ILRUN: variants seen among roughly 807,000 people sequenced by gnomAD.
ILRUN encodes the protein protein ILRUN.
In ILRUN, 3 loss-of-function variants were observed where a neutral mutation model predicts 33.8. The observed-to-expected ratio is 0.09, with a 90% CI of 0.04 to 0.23. The LOEUF (loss-of-function observed/expected upper bound fraction) is 0.23, where lower values mean the gene tolerates loss of function less well. Ranked by LOEUF, ILRUN falls within the 10% of genes least tolerant of loss-of-function variation. The pLI, the probability that ILRUN is intolerant of heterozygous loss-of-function variation, is 1.00. For synonymous variants in ILRUN, 124 were observed against 138.9 expected (o/e 0.89, Z 0.75); for missense variants, 210 against 375.1 (o/e 0.56, Z 3.64).
chr6:34,614,431 T>TG (rs1562002870), intron 3 of ILRUN, among the ~76,000 whole-genome samples: 16 of 113,940 alleles, frequency 1.4e-4, no homozygotes, highest in African/African-American at 5.4e-4. Flanking sequence ...CAAAAAATAA[T>TG]AAAAAAAAAA....
intron 1 of ILRUN, among the ~76,000 whole-genome samples, chr6:34,670,510 T>C (rs1186353749): frequency 1.3e-5 from 2 of 152,130 alleles, no homozygotes; most frequent in Non-Finnish European, 2.9e-5. Context: ...ACAATCACCA[T>C]GTTAGTATCT....
chr6:34,695,144 C>T (rs1429541336), intron 1 of ILRUN, among the ~76,000 whole-genome samples: 1 of 151,656 alleles, frequency 6.6e-6, no homozygotes, highest in East Asian at 1.9e-4. Flanking sequence ...CAGGGTAGAA[C>T]TAGGTAGGAG....
intron 3 of ILRUN, among the ~76,000 whole-genome samples, chr6:34,615,081 G>A (rs1761854705): frequency 6.6e-6 from 1 of 152,102 alleles, no homozygotes; most frequent in Non-Finnish European, 1.5e-5. Flanking sequence ...AAAAAAATTG[G>A]TGAAATCCAA....
intron 4 of ILRUN, among the ~76,000 whole-genome samples, chr6:34,599,000 A>G (rs1761456143): frequency 6.6e-6 from 1 of 152,208 alleles, no homozygotes; most frequent in East Asian, 1.9e-4. Context: ...TACCGGCCAC[A>G]CATTCTTTTG....
chr6:34,637,864 C>CTGCTGCTGTTGTTGTTGTTGTTGTTGT (rs749114775), intron 3 of ILRUN, among the ~76,000 whole-genome samples: 1 of 141,930 alleles, frequency 7.0e-6, no homozygotes, highest in Admixed American at 7.2e-5. Flanking sequence ...GCTGCTGCTG[C>CTGCTGCTGTTGTTGTTGTTGTTGTTGT]TGTTGTTGTT....
intron 3 of ILRUN, among the ~76,000 whole-genome samples, chr6:34,614,249 C>T (rs1389136006): frequency 6.6e-6 from 1 of 151,388 alleles, no homozygotes; most frequent in Non-Finnish European, 1.5e-5. Flanking sequence ...GGTGAAATCC[C>T]GTCACTACTA....
At chr6:34,600,853 C>T (rs1761492797) in intron 4 of ILRUN, among the ~76,000 whole-genome samples, 1 of 152,172 alleles carries the variant, frequency 6.6e-6, no homozygotes, top group Non-Finnish European at 1.5e-5. Context: ...AAAATGTGTA[C>T]TTGAACACTG....
intron 1 of ILRUN, among the ~76,000 whole-genome samples, chr6:34,666,637 A>G (rs890904307): frequency 1.3e-5 from 2 of 152,222 alleles, no homozygotes; most frequent in African/African-American, 2.4e-5. Context: ...GAATAAAAAC[A>G]AATTTTATGA....
Position 34,605,401 on chromosome 6 carries a change from G to A in ILRUN, c.861+1154C>T, listed in dbSNP as rs1308080120. 2.6e-5 allele frequency among the ~76,000 whole-genome samples: 4 copies of A among 151,908 alleles called. No homozygotes were observed. In the East Asian group the frequency reaches 5.8e-4, roughly 22 times the overall value. Reference sequence around the variant, plus strand: ...CCAGCACTTCGGGAGGCCAAGGCAGGAGGATCACTTGAGATCAGGAGTTCG... The same window carrying A: ...CCAGCACTTCGGGAGGCCAAGGCAGAAGGATCACTTGAGATCAGGAGTTCG... On this transcript the variant is annotated intron_variant, in intron 4 of 4. Transcript: ENST00000374023.
chr6:34,617,085 T>A (rs1422369248), intron 3 of ILRUN: 1 of 532,434 alleles, frequency 1.9e-6, no homozygotes. Context: ...GAGGATCTGA[T>A]CATGAGATCT....
At chr6:34,622,811 T>C (rs771717907) in intron 3 of ILRUN, among the ~76,000 whole-genome samples, 6 of 152,188 alleles carry the variant, frequency 3.9e-5, no homozygotes, top group Non-Finnish European at 5.9e-5. Context: ...TGTTCATTCA[T>C]AGCAGCATTA....
chr6:34,605,526 G>A (rs1380715524), intron 4 of ILRUN, among the ~76,000 whole-genome samples: 2 of 151,954 alleles, frequency 1.3e-5, no homozygotes, highest in Non-Finnish European at 2.9e-5. Flanking sequence ...CTACTCAGGA[G>A]GCTGAGGTAG....
At chr6:34,673,430 G>C (rs941673873) in intron 1 of ILRUN, among the ~76,000 whole-genome samples, 3 of 152,004 alleles carry the variant, frequency 2.0e-5, no homozygotes, top group African/African-American at 4.8e-5. Context: ...GGAGTTTGAG[G>C]ATAGTAAAAA....
chr6:34,658,002 A>G (rs567709031), intron 1 of ILRUN, among the ~76,000 whole-genome samples: 12 of 152,320 alleles, frequency 7.9e-5, no homozygotes, highest in Middle Eastern at 3.4e-3. Flanking sequence ...GGTTAAAAGT[A>G]CCCTGAAGAA....
At chr6:34,681,839 C>G (rs1475535765) in intron 1 of ILRUN, among the ~76,000 whole-genome samples, 2 of 142,678 alleles carry the variant, frequency 1.4e-5, no homozygotes, top group Non-Finnish European at 3.0e-5. Flanking sequence ...CAAAGTCCAC[C>G]ACTACATTTT....
chr6:34,658,490 CTTTTTTTT>C (rs71538252), intron 1 of ILRUN, among the ~76,000 whole-genome samples: 7 of 130,888 alleles, frequency 5.3e-5, no homozygotes, highest in Non-Finnish European at 9.8e-5. Flanking sequence ...TTTTCTTTTT[CTTTTTTTT>C]TTTTTTTTTT....
intron 3 of ILRUN, among the ~76,000 whole-genome samples, chr6:34,629,918 T>C (rs1178475814): frequency 6.6e-6 from 1 of 152,198 alleles, no homozygotes; most frequent in African/African-American, 2.4e-5. Context: ...AAATCCCATA[T>C]ATACTATGTT....
At chr6:34,689,467 AAT>A (rs1358831242) in intron 1 of ILRUN, among the ~76,000 whole-genome samples, 2 of 152,216 alleles carry the variant, frequency 1.3e-5, no homozygotes, top group Non-Finnish European at 2.9e-5. Context: ...TAAAAAATGT[AAT>A]AGAGTACATA....
intron 3 of ILRUN, among the ~76,000 whole-genome samples, chr6:34,642,947 C>T (rs775870062): frequency 2.0e-5 from 3 of 147,668 alleles, no homozygotes; most frequent in Admixed American, 1.4e-4. Context: ...GAGCTATGAT[C>T]GTTCCACTGC....
Sources: allele counts gnomAD v4.1 joint callset (sites outside exome capture counted in the v4.1 genomes callset), GRCh38; gene constraint gnomAD v4.1.1; transcripts MANE v1.5; gene names NCBI Gene and HGNC (gene_info 2026-07-23, HGNC 2026-07-21).